UNC80: variants seen among roughly 807,000 people sequenced by gnomAD.
UNC80 encodes protein unc-80 homolog.
UNC80 carries 164 observed loss-of-function variants against 384.6 expected under a neutral mutation model. The ratio of observed to expected loss-of-function variants is 0.43; its 90% CI spans 0.38 to 0.49. The LOEUF is 0.49. UNC80 is among the 20% of genes least tolerant of loss of function. The probability of loss-of-function intolerance (pLI) is 0.00; values close to 1 mark genes in which losing one functional copy is unlikely to be tolerated. For synonymous variants in UNC80, 1,486 were observed against 1,527.8 expected (o/e 0.97, Z 0.64); for missense variants, 3,330 against 4,143.0 (o/e 0.80, Z 5.39).
chr2:209,793,980 C>A, intron 7 of UNC80, 121 bp downstream of exon 7: 1 of 1,167,948 alleles, frequency 8.6e-7, no homozygotes, highest in Non-Finnish European at 1.2e-6. Context: ...TATGTGTATA[C>A]ATATTCTTGG....
At chr2:209,928,540 TA>T (rs896550777) in intron 36 of UNC80, among the ~76,000 whole-genome samples, 2 of 152,168 alleles carry the variant, frequency 1.3e-5, no homozygotes, top group African/African-American at 4.8e-5. Flanking sequence ...TGAACATTTT[TA>T]AAGTTTTAAT....
intron 26 of UNC80, among the ~76,000 whole-genome samples, chr2:209,892,136 A>G (rs2086398489): frequency 6.6e-6 from 1 of 152,198 alleles, no homozygotes. Context: ...TGATTTATGC[A>G]TTTAAAAGAT....
intron 48 of UNC80, among the ~76,000 whole-genome samples, chr2:209,955,845 G>A (rs2092394479): frequency 6.6e-6 from 1 of 150,512 alleles, no homozygotes; most frequent in South Asian, 2.1e-4. Flanking sequence ...CCGGGTTTAA[G>A]CAATTCTCAT....
At chr2:209,939,854 C>T (rs1304593153) in intron 43 of UNC80, among the ~76,000 whole-genome samples, 2 of 152,150 alleles carry the variant, frequency 1.3e-5, no homozygotes, top group Non-Finnish European at 2.9e-5. Flanking sequence ...CTCCTAAACG[C>T]ACTTGTTTTG....
chr2:209,884,399 T>G (rs1252051529), intron 25 of UNC80, among the ~76,000 whole-genome samples: 1 of 152,208 alleles, frequency 6.6e-6, no homozygotes, highest in Non-Finnish European at 1.5e-5. Flanking sequence ...TATTGGGTCC[T>G]TTTGTGCAAT....
In UNC80 at chr2:209,994,060, T is replaced by A. The variant is rs2093441033; in HGVS notation, c.9509-5T>A. On this transcript the variant is annotated splice_polypyrimidine_tract_variant and splice_region_variant and intron_variant, in intron 63 of 64. Transcript: ENST00000673920. ...CCCAATTTACTGTTTCACCTCTACC[T>A]GCAGCGGATCAGAAACGATCTGTGA... 1.9e-6 allele frequency: 3 copies of A among 1,548,098 alleles called. No individual in the cohort carries two copies. Among genetic ancestry groups the A allele is most frequent in the African/African-American group, 2.7e-5 (2 of 73,030 alleles).
chr2:209,945,610 G>A (rs1426637245), intron 46 of UNC80, among the ~76,000 whole-genome samples: 4 of 152,078 alleles, frequency 2.6e-5, no homozygotes, highest in Non-Finnish European at 5.9e-5. Flanking sequence ...TATTATCTGA[G>A]ATTTTTTTAA....
At chr2:209,827,025 T>G (rs2080576868) in intron 14 of UNC80, among the ~76,000 whole-genome samples, 1 of 152,124 alleles carries the variant, frequency 6.6e-6, no homozygotes, top group Non-Finnish European at 1.5e-5. Context: ...TTTTGCTGTT[T>G]TATATTATAT....
At chr2:209,993,202 C>T (rs775878384) in intron 62 of UNC80, 113 bp from the exon 63 acceptor site, 38 of 757,328 alleles carry the variant, frequency 5.0e-5, no homozygotes, top group Non-Finnish European at 7.1e-5. Flanking sequence ...AATTTATCAG[C>T]TATAAATGTA....
At position 209,872,670 on chromosome 2, in the gene UNC80, TA is replaced by T; in HGVS notation, c.3628-83del. The T allele has an allele frequency of 8.0e-7, 1 of 1,242,406 alleles. No homozygotes were observed. The highest frequency in any genetic ancestry group is 1.1e-6 in the Non-Finnish European group (1 of 874,696). 77.0% of individuals were successfully genotyped at this position (1,242,406 alleles called of 1,614,324 possible). On this transcript the variant is annotated intron_variant, in intron 22 of 64. Coordinates refer to ENST00000673920, the MANE Select transcript of UNC80 (RefSeq NM_001371986.1). This position sits in a 1 kb window ranked among gnomAD's most constrained non-coding sequence, Gnocchi z 4.1. ...TCAAAACATGAAGAGGAAAATAAACTAAAAATACACAGTAATTCCCTTTAAG... is the reference window on the plus strand; with the variant it reads ...TCAAAACATGAAGAGGAAAATAAACTAAAATACACAGTAATTCCCTTTAAG...
At chr2:209,932,404 T>G (rs1052594634) in intron 38 of UNC80, among the ~76,000 whole-genome samples, 4 of 152,066 alleles carry the variant, frequency 2.6e-5, no homozygotes, top group African/African-American at 9.7e-5. Context: ...TCAGTTTAGG[T>G]GTGTGCCCTG....
At chr2:209,934,230 GCATGAAT>G (rs948931184) in intron 39 of UNC80, among the ~76,000 whole-genome samples, 1 of 152,144 alleles carries the variant, frequency 6.6e-6, no homozygotes, top group Non-Finnish European at 1.5e-5. Flanking sequence ...ACTGAGATCC[GCATGAAT>G]CAGTCCTTGA....
At chr2:209,861,828 T>A (rs1314446978) in intron 22 of UNC80, among the ~76,000 whole-genome samples, 1 of 152,102 alleles carries the variant, frequency 6.6e-6, no homozygotes, top group African/African-American at 2.4e-5. Flanking sequence ...CATAGAGGGG[T>A]TTATAGTATT....
intron 52 of UNC80, 42 bp downstream of exon 52, chr2:209,967,679 A>C (rs912893425): frequency 1.3e-6 from 2 of 1,537,678 alleles, no homozygotes; most frequent in Non-Finnish European, 1.8e-6. Context: ...CACAAATGTC[A>C]AAGTTAAGAT....
chr2:209,873,403 T>A lies in UNC80; in HGVS notation c.3840+433T>A, dbSNP rs117511124. ...ATTTATATTTTGTAAGGCATGATTT[T>A]TTCTAATTTCTTAGTGAAATTTTCT... On this transcript the variant is annotated intron_variant, in intron 23 of 64. Coordinates refer to ENST00000673920, the MANE Select transcript of UNC80 (RefSeq NM_001371986.1). Among the ~76,000 whole-genome samples, 21 of 152,360 alleles carry A rather than the reference T, an allele frequency of 1.4e-4. No individual in the cohort carries two copies. In the East Asian group the frequency reaches 4.1e-3, roughly 29 times the overall value.
chr2:209,912,433 C>G, intron 29 of UNC80, 127 bp from the exon 30 acceptor site: 1 of 479,154 alleles, frequency 2.1e-6, no homozygotes, highest in South Asian at 5.7e-5. Flanking sequence ...AAATGTGGAC[C>G]CACAAAAAGG....
chr2:209,804,162 G>A (rs1211960262), intron 7 of UNC80, among the ~76,000 whole-genome samples: 1 of 152,150 alleles, frequency 6.6e-6, no homozygotes. Flanking sequence ...AAGAGATATG[G>A]TTATCTGCAC....
At chr2:209,844,431 TCTCTTTTCTTG>T (rs2081985756) in intron 21 of UNC80, among the ~76,000 whole-genome samples, 1 of 145,466 alleles carries the variant, frequency 6.9e-6, no homozygotes, top group Non-Finnish European at 1.5e-5. Flanking sequence ...TCTTTCTCTT[TCTCTTTTCTTG>T]CTCTTTTCTT....
chr2:209,980,831 G>A (rs1487915212), intron 59 of UNC80, among the ~76,000 whole-genome samples: 3 of 152,208 alleles, frequency 2.0e-5, no homozygotes, highest in African/African-American at 7.2e-5. Context: ...GGACATAAGT[G>A]TTAAGTGATA....
Sources: allele counts gnomAD v4.1 joint callset (sites outside exome capture counted in the v4.1 genomes callset), GRCh38; gene constraint gnomAD v4.1.1; non-coding constraint Gnocchi (gnomAD v3.1); transcripts MANE v1.5; gene names NCBI Gene and HGNC (gene_info 2026-07-23, HGNC 2026-07-21).